Variants in BMPR1A observed in about 807,000 individuals in gnomAD.
The protein encoded by BMPR1A is bone morphogenetic protein receptor type 1A.
Under a neutral mutation model 66.0 loss-of-function variants are expected in BMPR1A, and 7 were observed. The observed-to-expected ratio is 0.11, with a 90% CI of 0.06 to 0.20. BMPR1A has a LOEUF of 0.20. BMPR1A is among the 10% of genes least tolerant of loss of function. The pLI is 1.00. For synonymous variants in BMPR1A, 200 were observed against 229.7 expected, an observed-to-expected ratio of 0.87 and a Z score of 1.17; for missense variants, 408 against 669.1, an observed-to-expected ratio of 0.61 and a Z score of 4.31.
intron 7 of BMPR1A, among the ~76,000 whole-genome samples, chr10:86,911,154 CAAAAAA>C (rs35449069): frequency 4.8e-5 from 4 of 82,856 alleles, no homozygotes; most frequent in Middle Eastern, 6.6e-3. Context: ...GACCCTGTCT[CAAAAAA>C]AAAAAAAAAA....
At chr10:86,852,962 T>A (rs1310880165) in intron 2 of BMPR1A, among the ~76,000 whole-genome samples, 1 of 152,150 alleles carries the variant, frequency 6.6e-6, no homozygotes. Flanking sequence ...TTGAAGAGGA[T>A]TAACAGAGCT....
intron 1 of BMPR1A, among the ~76,000 whole-genome samples, chr10:86,788,411 G>GC (rs1841549071): frequency 6.6e-6 from 1 of 152,026 alleles, no homozygotes; most frequent in Non-Finnish European, 1.5e-5. Flanking sequence ...CCCAAATGAT[G>GC]CCCCCCATAC....
chr10:86,917,360 TG>T, intron 9 of BMPR1A, 34 bp downstream of exon 9: 1 of 1,612,176 alleles, frequency 6.2e-7, no homozygotes, highest in Non-Finnish European at 8.5e-7. Flanking sequence ...ATTTCATTTT[TG>T]ACAAGGCTAG....
chr10:86,808,252 A>G (rs1481138942), intron 1 of BMPR1A, among the ~76,000 whole-genome samples: 1 of 152,020 alleles, frequency 6.6e-6, no homozygotes, highest in African/African-American at 2.4e-5. Flanking sequence ...AGGGATCTGT[A>G]GTGATCTTTT....
At chr10:86,904,768 G>A (rs999885919) in intron 7 of BMPR1A, among the ~76,000 whole-genome samples, 2 of 152,126 alleles carry the variant, frequency 1.3e-5, no homozygotes, top group African/African-American at 4.8e-5. Context: ...ACTCAAGTGA[G>A]TGACCTATAA....
intron 3 of BMPR1A, among the ~76,000 whole-genome samples, chr10:86,886,601 G>A (rs1843070189): frequency 6.6e-6 from 1 of 152,160 alleles, no homozygotes. Context: ...GCTAGAGGGG[G>A]TACATCCAGG....
intron 3 of BMPR1A, among the ~76,000 whole-genome samples, chr10:86,885,162 C>T (rs1210385961): frequency 6.6e-6 from 1 of 152,174 alleles, no homozygotes; most frequent in African/African-American, 2.4e-5. Flanking sequence ...CAAACTAAAT[C>T]CAGCGCATTG....
intron 1 of BMPR1A, among the ~76,000 whole-genome samples, chr10:86,827,652 G>A (rs756010610): frequency 2.2e-4 from 33 of 152,206 alleles, no homozygotes; most frequent in Non-Finnish European, 4.3e-4. Flanking sequence ...AGCCAGATGA[G>A]TTCAAGAGGA....
intron 2 of BMPR1A, among the ~76,000 whole-genome samples, chr10:86,845,711 A>G (rs528349437): frequency 6.6e-6 from 1 of 152,264 alleles, no homozygotes; most frequent in African/African-American, 2.4e-5. Context: ...ACTAAAAGAA[A>G]TATCTAACAG....
At chr10:86,822,889 C>T (rs567793148) in intron 1 of BMPR1A, among the ~76,000 whole-genome samples, 1 of 152,236 alleles carries the variant, frequency 6.6e-6, no homozygotes, top group Admixed American at 6.5e-5. Flanking sequence ...CTCAGCCTCC[C>T]AGAGTGCTGG....
intron 2 of BMPR1A, among the ~76,000 whole-genome samples, chr10:86,866,495 A>G (rs1292934245): frequency 2.3e-5 from 3 of 128,160 alleles, no homozygotes; most frequent in African/African-American, 6.1e-5. Context: ...TGCAATTTCT[A>G]CCTCCTGGGT....
rs189353730 is a variant in BMPR1A, at chr10:86,760,455, C to T, written c.-268+3536C>T. On this transcript the variant is annotated intron_variant, in intron 1 of 12. Coordinates refer to ENST00000372037, the MANE Select transcript of BMPR1A (RefSeq NM_004329.3). ...GTTTTGCCATGTTGGCCAGGCTGGT[C>T]TTAAACTCCTGACCTCAGTTGATCC... is the stretch of plus-strand genomic sequence containing the variant. Among the ~76,000 whole-genome samples, 289 of 151,930 alleles carry T rather than the reference C, an allele frequency of 1.9e-3. 1 individual carries two copies. Among genetic ancestry groups the T allele is most frequent in the Non-Finnish European group, 3.6e-3 (245 of 67,936 alleles).
intron 2 of BMPR1A, among the ~76,000 whole-genome samples, chr10:86,846,223 T>G (rs939133910): frequency 6.6e-6 from 1 of 152,068 alleles, no homozygotes; most frequent in African/African-American, 2.4e-5. Flanking sequence ...TTAGCTGGCA[T>G]TTGGCAGTGG....
intron 8 of BMPR1A, among the ~76,000 whole-genome samples, chr10:86,913,840 A>T (rs183738635): frequency 6.6e-6 from 1 of 152,292 alleles, no homozygotes; most frequent in Non-Finnish European, 1.5e-5. Context: ...TTTTCCTCAA[A>T]TTGGTGTGTA....
At chr10:86,913,090 A>G (rs1843514251) in intron 8 of BMPR1A, among the ~76,000 whole-genome samples, 1 of 151,974 alleles carries the variant, frequency 6.6e-6, no homozygotes, top group Non-Finnish European at 1.5e-5. Context: ...TAGTTGAAAG[A>G]AACTGATCTC....
intron 3 of BMPR1A, among the ~76,000 whole-genome samples, chr10:86,879,366 G>T (rs1842958784): frequency 6.6e-6 from 1 of 152,168 alleles, no homozygotes; most frequent in African/African-American, 2.4e-5. Context: ...TTCATTATAT[G>T]CTCTTGTGTT....
chr10:86,899,676 T>C, intron 5 of BMPR1A, 118 bp from the exon 6 acceptor site: 2 of 1,017,168 alleles, frequency 2.0e-6, no homozygotes, highest in Non-Finnish European at 2.9e-6. Context: ...TTTTTACATA[T>C]AAAATTTGCA....
intron 2 of BMPR1A, among the ~76,000 whole-genome samples, chr10:86,853,514 G>A (rs1045510492): frequency 7.2e-5 from 11 of 152,204 alleles, no homozygotes; most frequent in Admixed American, 5.2e-4. Context: ...AGAAACTACT[G>A]AAAATTTAAC....
chr10:86,857,447 T>C (rs757802869), intron 2 of BMPR1A, among the ~76,000 whole-genome samples: 20 of 152,190 alleles, frequency 1.3e-4, no homozygotes, highest in Non-Finnish European at 2.8e-4. Flanking sequence ...GCAAGATAAG[T>C]GTGTTAATTA....
Sources: gnomAD v4.1 joint callset for allele counts (sites outside exome capture counted in the v4.1 genomes callset) on GRCh38, gnomAD v4.1.1 for gene constraint, MANE v1.5 for transcripts, NCBI Gene and HGNC (gene_info 2026-07-23, HGNC 2026-07-21) for gene names.